The following TOP3A variants were observed in gnomAD, a reference collection of about 807,000 sequenced individuals.
TOP3A encodes DNA topoisomerase 3-alpha.
Under a neutral mutation model 111.3 loss-of-function variants are expected in TOP3A, and 64 were observed. The ratio of observed to expected loss-of-function variants is 0.57; its 90% confidence interval spans 0.47 to 0.71. The LOEUF is 0.71. Among genes scored for constraint, TOP3A ranks in the 30% least tolerant of loss-of-function variants. The pLI is 0.00. For missense variants in TOP3A, 1,104 were observed against 1,285.0 expected, an observed-to-expected ratio of 0.86 and a Z score of 2.15; for synonymous variants, 484 against 485.1, an observed-to-expected ratio of 1.00 and a Z score of 0.03.
rs1221136326 is a variant in TOP3A, at chr17:18,277,700, C to T, written c.2802G>A (p.Gln934=). ...KPREQQCGFF[Q]WVDENTAPGT... ...CTGGAGCGGTGTTCTCATCGACCCA[C>T]TGGAAAAAGCCACACTGCTGCTCTC... is the stretch of plus-strand genomic sequence containing the variant. Residue 934 remains glutamine (Q), a synonymous_variant, in exon 18 of 19, where the codon CAG becomes CAA. Coordinates refer to ENST00000321105, the MANE Select transcript of TOP3A (RefSeq NM_004618.5). The T allele has an allele frequency of 6.2e-7, 1 of 1,610,872 alleles. No homozygotes were observed. Among genetic ancestry groups the T allele is most frequent in the Admixed American group, 1.7e-5 (1 of 59,978 alleles).
intron 11 of TOP3A, 139 bp downstream of exon 11, chr17:18,292,506 G>A (rs1215467710): frequency 3.3e-5 from 28 of 841,596 alleles, no homozygotes; most frequent in Non-Finnish European, 4.7e-5. Context: ...TCAAAGCCAG[G>A]CAGAGGATTG....
At chr17:18,310,662 C>T (rs1042976805) in intron 1 of TOP3A, among the ~76,000 whole-genome samples, 1 of 151,968 alleles carries the variant, frequency 6.6e-6, no homozygotes, top group Non-Finnish European at 1.5e-5. Flanking sequence ...GAGGCTTCCT[C>T]TTGGGGTGAA....
At chr17:18,281,693 T>C (rs1330455678) in intron 16 of TOP3A, among the ~76,000 whole-genome samples, 1 of 152,132 alleles carries the variant, frequency 6.6e-6, no homozygotes, top group African/African-American at 2.4e-5. Context: ...AGACCTCTTG[T>C]TTCTGAGAGC....
At chr17:18,282,899 C>A (rs1979854152) in intron 15 of TOP3A, 58 bp from the exon 16 acceptor site, 1 of 1,602,866 alleles carries the variant, frequency 6.2e-7, no homozygotes, top group African/African-American at 1.3e-5. Context: ...AAGGCACCTA[C>A]AACACTCTTA....
intron 8 of TOP3A, among the ~76,000 whole-genome samples, chr17:18,300,073 T>TA (rs111527294): frequency 4.7e-5 from 7 of 150,348 alleles, no homozygotes; most frequent in African/African-American, 9.7e-5. Flanking sequence ...AGTGCTCCTT[T>TA]AAAAAAAAAA....
intron 13 of TOP3A, among the ~76,000 whole-genome samples, chr17:18,288,736 T>C (rs1190140492): frequency 6.6e-6 from 1 of 152,248 alleles, no homozygotes; most frequent in Non-Finnish European, 1.5e-5. Flanking sequence ...AGTCTTACTA[T>C]GAGGTTTTGG....
chr17:18,292,917 T>C (rs1023308573), intron 10 of TOP3A, 65 bp from the exon 11 acceptor site: 3 of 1,468,828 alleles, frequency 2.0e-6, no homozygotes, highest in Admixed American at 1.9e-5. Context: ...TATAAACAAC[T>C]GAAAGCACAC....
chr17:18,299,234 T>C (rs980135203), intron 9 of TOP3A, among the ~76,000 whole-genome samples: 3 of 152,064 alleles, frequency 2.0e-5, no homozygotes, highest in Non-Finnish European at 2.9e-5. Flanking sequence ...GAGACTAGCC[T>C]AGTCAACATA....
At chr17:18,292,992 T>A (rs2142967493) in intron 10 of TOP3A, 140 bp from the exon 11 acceptor site, 1 of 765,006 alleles carries the variant, frequency 1.3e-6, no homozygotes, top group East Asian at 2.9e-5. Context: ...CATTACCTGC[T>A]TCAGAAAAGT....
At chr17:18,290,433 T>G in intron 13 of TOP3A, 124 bp downstream of exon 13, 1 of 1,174,862 alleles carries the variant, frequency 8.5e-7, no homozygotes, top group Non-Finnish European at 1.1e-6. Context: ...TTATTTCAAC[T>G]ATAAAATGGG....
At chr17:18,311,029 C>G (rs925910168) in intron 1 of TOP3A, among the ~76,000 whole-genome samples, 3 of 147,454 alleles carry the variant, frequency 2.0e-5, no homozygotes, top group Non-Finnish European at 4.5e-5. Context: ...GAGACAGAGT[C>G]TCACTCTGTT....
At chr17:18,296,260 G>A (rs1048239895) in intron 9 of TOP3A, among the ~76,000 whole-genome samples, 1 of 152,068 alleles carries the variant, frequency 6.6e-6, no homozygotes, top group Non-Finnish European at 1.5e-5. Context: ...CTTAACCAGG[G>A]AGGACTAAAA....
At chr17:18,313,870 AG>A (rs1386013464) in intron 1 of TOP3A, among the ~76,000 whole-genome samples, 1 of 152,224 alleles carries the variant, frequency 6.6e-6, no homozygotes, top group Non-Finnish European at 1.5e-5. Flanking sequence ...AAAGTTCTCC[AG>A]AAAACCATTT....
At chr17:18,282,574 C>T (rs532706601) in intron 16 of TOP3A, 124 bp downstream of exon 16, 3 of 1,358,964 alleles carry the variant, frequency 2.2e-6, no homozygotes, top group East Asian at 2.3e-5. Flanking sequence ...ACCTTGCCTG[C>T]AGGTTGGCAA....
rs759758444 is a variant in TOP3A at position 18,278,238 on chromosome 17, C to G, written c.2264G>C (p.Gly755Ala). ...AGAGGGCTGGCTAGCCCTGGGGGGG[C>G]CCCCTGAAAATCTCAGGTCCAGGAT... ...REILDLRFSG[G>A]PPRASQPSGR... Residue 755 changes from glycine to alanine, a missense_variant, in exon 18 of 19, where the codon GGC becomes GCC. Physicochemically the swap from Gly to Ala is moderately conservative, Grantham distance 60. Coordinates refer to ENST00000321105, the MANE Select transcript of TOP3A (RefSeq NM_004618.5). 2.7e-5 allele frequency: 42 copies of G among 1,573,210 alleles called. No individual in the cohort carries two copies. The highest frequency in any genetic ancestry group is 5.5e-5 in the Admixed American group (3 of 54,452).
In TOP3A at chr17:18,278,264, C is replaced by T. The variant is rs753842058; in HGVS notation, c.2238G>A (p.Glu746=). ...CCCCTGAAAATCTCAGGTCCAGGAT[C>T]TCCCTCAGGGTGTCGTCGCATCCGC... is the stretch of plus-strand genomic sequence containing the variant. ...CIGGCDDTLR[E]ILDLRFSGGP... The change falls in exon 18 of 19, where the codon GAG becomes GAA. Residue 746 remains glutamate, a synonymous_variant. Coordinates refer to ENST00000321105, the MANE Select transcript of TOP3A (RefSeq NM_004618.5). The T allele has an allele frequency of 4.5e-6, 7 of 1,563,064 alleles. No individual in the cohort carries two copies. The highest frequency in any genetic ancestry group is 6.1e-6 in the Non-Finnish European group (7 of 1,154,048).
rs150237110 is a variant in TOP3A, at chr17:18,285,507, A to C, written c.1611T>G (p.Thr537=). ...MEKHGIGTDA[T]HAEHIETIKA... is the part of the protein sequence containing the mutation. Reference sequence around the variant, plus strand: ...TGATGGTCTCGATGTGCTCCGCATGAGTGGCATCCGTACCTGGAAGCCACT... The same window carrying C: ...TGATGGTCTCGATGTGCTCCGCATGCGTGGCATCCGTACCTGGAAGCCACT... Residue 537 remains threonine (T), a synonymous_variant, in exon 14 of 19, where the codon ACT becomes ACG. Coordinates refer to ENST00000321105, the MANE Select transcript of TOP3A (RefSeq NM_004618.5). 1.9e-5 allele frequency: 30 copies of C among 1,613,862 alleles called. No individual in the cohort carries two copies. In the African/African-American group the frequency reaches 3.3e-4, roughly 18 times the overall value.
At position 18,314,756 on chromosome 17, in the gene TOP3A, T is replaced by G; in HGVS notation, c.23A>C (p.Tyr8Ser). The change falls in exon 1 of 19, where the codon TAC (tyrosine) becomes TCC (serine). Residue 8 changes from tyrosine (Y) to serine (S), a missense_variant. Tyr to Ser is a moderately radical substitution (Grantham distance 144, BLOSUM62 -2). Transcript: ENST00000321105. MIFPVAR[Y>S]ALRWLRRPED... ...GGGCCGTCGCAGCCACCGGAGCGCG[T>G]AGCGGGCGACAGGAAAGATCATCCT... 1 of 1,558,564 alleles carries G rather than the reference T, an allele frequency of 6.4e-7. No homozygotes were observed. Among genetic ancestry groups the G allele is most frequent in the Admixed American group, 1.9e-5 (1 of 51,722 alleles).
At chr17:18,301,629 T>G (rs1041920403) in intron 8 of TOP3A, among the ~76,000 whole-genome samples, 5 of 152,360 alleles carry the variant, frequency 3.3e-5, no homozygotes, top group African/African-American at 1.2e-4. Context: ...CTGGTGATAG[T>G]ATATGCCCCA....
Sources: gnomAD v4.1 joint callset for allele counts (sites outside exome capture counted in the v4.1 genomes callset) on GRCh38, gnomAD v4.1.1 for gene constraint, MANE v1.5 for transcripts, NCBI Gene and HGNC (gene_info 2026-07-23, HGNC 2026-07-21) for gene names.